The following CENPE variants were observed in gnomAD, a reference collection of about 807,000 sequenced individuals.
CENPE encodes centromere-associated protein E.
CENPE carries 145 observed loss-of-function variants against 336.1 expected under a neutral mutation model. That is an observed-to-expected ratio of 0.43 (90% CI 0.38 to 0.50). The LOEUF (loss-of-function observed/expected upper bound fraction) is 0.50, where lower values mean the gene tolerates loss of function less well. CENPE is among the 20% of genes least tolerant of loss of function. The probability of loss-of-function intolerance (pLI) is 0.00; values close to 1 mark genes in which losing one functional copy is unlikely to be tolerated. For missense variants in CENPE, 2,719 were observed against 3,023.3 expected (o/e 0.90, Z 2.36); for synonymous variants, 1,013 against 984.8 (o/e 1.03, Z -0.54).
At chr4:103,153,663 CTT>C (rs1245236170) in intron 24 of CENPE, among the ~76,000 whole-genome samples, 18 of 152,264 alleles carry the variant, frequency 1.2e-4, no homozygotes, top group East Asian at 5.8e-4. Context: ...GGATATCTGC[CTT>C]TAGTTTGTAC....
chr4:103,163,729 T>C (rs2125982809), intron 16 of CENPE, among the ~76,000 whole-genome samples, 176 bp from the exon 17 acceptor site: 1 of 151,690 alleles, frequency 6.6e-6, no homozygotes, highest in Middle Eastern at 3.4e-3. Context: ...CACCTCATTA[T>C]TTAAAAATAC....
intron 13 of CENPE, among the ~76,000 whole-genome samples, chr4:103,178,025 C>T (rs1199942172): frequency 1.3e-5 from 2 of 151,332 alleles, no homozygotes; most frequent in African/African-American, 2.4e-5. Context: ...TAGCTCTGTT[C>T]CCTTGTTGCA....
intron 44 of CENPE, among the ~76,000 whole-genome samples, chr4:103,117,055 T>C (rs992198156): frequency 6.6e-6 from 1 of 152,130 alleles, no homozygotes; most frequent in Non-Finnish European, 1.5e-5. Flanking sequence ...CAAAAAGATG[T>C]TGGAGCAGTG....
chr4:103,187,559 G>A (rs1274995122), intron 8 of CENPE, among the ~76,000 whole-genome samples: 1 of 152,140 alleles, frequency 6.6e-6, no homozygotes, highest in Non-Finnish European at 1.5e-5. Flanking sequence ...AGCTTCATAA[G>A]TGAAGGAGAA....
intron 33 of CENPE, among the ~76,000 whole-genome samples, chr4:103,144,050 T>C (rs935681809): frequency 3.3e-5 from 5 of 151,918 alleles, no homozygotes; most frequent in Non-Finnish European, 5.9e-5. Flanking sequence ...CATTCTCCTG[T>C]CTCAGCCTCC....
intron 8 of CENPE, among the ~76,000 whole-genome samples, chr4:103,191,728 G>C (rs1019152965): frequency 2.0e-5 from 3 of 151,752 alleles, no homozygotes; most frequent in African/African-American, 7.3e-5. Context: ...ATACCAACAT[G>C]GCACATGTAT....
rs1754201609 is a variant in CENPE, at chr4:103,159,054, C to T, written c.2557G>A (p.Glu853Lys). 1 of 1,548,334 alleles carries T rather than the reference C, an allele frequency of 6.5e-7. No individual in the cohort carries two copies. ...MNQEIVNLSKEAQKFDSSLGA... is the reference protein window; with the variant it reads ...MNQEIVNLSKKAQKFDSSLGA... The stretch of plus-strand genomic sequence containing the variant: ...AAACTCGAATCAAATTTTTGGGCTT[C>T]TTTAGAGAGATTAACTATTTCCTGA... Residue 853 changes from glutamate to lysine, a missense_variant, in exon 22 of 49, where the codon GAA becomes AAA. This residue lies in a region of CENPE where 2,437 missense variants were observed against 2,513.3 expected (regional missense o/e 0.97). Coordinates refer to ENST00000265148, the MANE Select transcript of CENPE (RefSeq NM_001813.3).
At chr4:103,181,858 T>C (rs1486824061) in intron 11 of CENPE, 3 of 156,918 alleles carry the variant, frequency 1.9e-5, no homozygotes, top group African/African-American at 7.2e-5. Context: ...AAGTGTTATG[T>C]GCCTTGTCAC....
At position 103,110,946 on chromosome 4, in the gene CENPE, T is replaced by C. The variant is rs1185574797; in HGVS notation, c.7606A>G (p.Ile2536Val). The change falls in exon 47 of 49, where the codon ATT becomes GTT. Residue 2536 changes from isoleucine to valine, a missense_variant. By Grantham distance (29) the Ile-to-Val change is conservative. Transcript: ENST00000265148. ...KPLTCGGGSG[I>V]VQNTKALILK... Reference sequence around the variant, plus strand: ...ATAAGAGCTTTTGTGTTTTGTACAATGCCGCTGCCACCTCCACAAGTTAAG... The same window carrying C: ...ATAAGAGCTTTTGTGTTTTGTACAACGCCGCTGCCACCTCCACAAGTTAAG... 6 of 1,612,772 alleles carry C rather than the reference T, an allele frequency of 3.7e-6. No individual in the cohort carries two copies. Among genetic ancestry groups the C allele is most frequent in the South Asian group, 1.1e-5 (1 of 90,848 alleles).
At chr4:103,152,303 G>A (rs540471911) in intron 25 of CENPE, among the ~76,000 whole-genome samples, 3 of 152,140 alleles carry the variant, frequency 2.0e-5, no homozygotes, top group Admixed American at 2.0e-4. Flanking sequence ...TTAGGGAAAG[G>A]CAAATTAAAA....
rs1238285188 is a variant in CENPE at position 103,194,371 on chromosome 4, T to A, written c.627+3A>T. 6.2e-7 allele frequency: 1 copy of A among 1,609,422 alleles called. No homozygotes were observed. The highest frequency in any genetic ancestry group is 8.5e-7 in the Non-Finnish European group (1 of 1,176,580). On this transcript the variant is annotated splice_donor_region_variant and intron_variant, in intron 7 of 48. Transcript: ENST00000265148. ...GATCTAACAGATAGATAGAATTACC[T>A]ACCATCCTAAAGATGGTATGAGAAC...
chr4:103,175,875 A>T, intron 15 of CENPE, 85 bp downstream of exon 15: 1 of 804,612 alleles, frequency 1.2e-6, no homozygotes, highest in Non-Finnish European at 1.9e-6. Flanking sequence ...TACTGAAATT[A>T]AATGAGAACA....
chr4:103,183,983 A>C (rs895607287), intron 9 of CENPE, among the ~76,000 whole-genome samples: 1 of 152,188 alleles, frequency 6.6e-6, no homozygotes, highest in African/African-American at 2.4e-5. Flanking sequence ...AAAGTATAAA[A>C]TTCCATTTTA....
intron 43 of CENPE, among the ~76,000 whole-genome samples, chr4:103,121,545 C>CTGTCT (rs1750619610): frequency 6.9e-6 from 1 of 145,782 alleles, no homozygotes; most frequent in African/African-American, 2.5e-5. Context: ...TCTTTTCTTT[C>CTGTCT]TTTCTTTTTT....
At chr4:103,165,326 AC>A (rs941679180) in intron 16 of CENPE, among the ~76,000 whole-genome samples, 2 of 152,196 alleles carry the variant, frequency 1.3e-5, no homozygotes, top group African/African-American at 4.8e-5. Context: ...AAATAGGTAG[AC>A]GGTAAAGATT....
Position 103,105,902 on chromosome 4 carries a change from T to A in CENPE, c.*320A>T, listed in dbSNP as rs568372738. On this transcript the variant is annotated 3_prime_UTR_variant, in exon 49 of 49. Coordinates refer to ENST00000265148, the MANE Select transcript of CENPE (RefSeq NM_001813.3). ...ATGATGTTTTATATTAATGTATGTA[T>A]TATGCTTTGGAATATGCTAAGTCAT... The A allele has an allele frequency of 4.0e-5, 7 of 176,342 alleles. No homozygotes were observed. Among genetic ancestry groups the A allele is most frequent in the African/African-American group, 1.6e-4 (7 of 42,602 alleles). 10.9% of individuals were successfully genotyped at this position (176,342 alleles called of 1,614,324 possible). A position where few individuals can be genotyped will look rare whatever the true frequency, so the allele number is the denominator to read the frequency against.
At chr4:103,177,598 T>C (rs564731244) in intron 13 of CENPE, among the ~76,000 whole-genome samples, 2 of 152,182 alleles carry the variant, frequency 1.3e-5, no homozygotes, top group African/African-American at 4.8e-5. Flanking sequence ...TTTTAACAGA[T>C]GAGTTGGGTG....
At chr4:103,183,037 A>T (rs1482598835) in intron 10 of CENPE, 146 bp from the exon 11 acceptor site, 10 of 951,270 alleles carry the variant, frequency 1.1e-5, no homozygotes, top group Non-Finnish European at 1.5e-5. Context: ...ACTACTAAAA[A>T]ATATTTAAAA....
intron 38 of CENPE, among the ~76,000 whole-genome samples, chr4:103,138,846 T>A (rs1320606514): frequency 2.0e-5 from 3 of 151,938 alleles, no homozygotes; most frequent in Non-Finnish European, 4.4e-5. Flanking sequence ...TCTATAAAAA[T>A]AAATAAATAA....
Sources: gnomAD v4.1 joint callset for allele counts (sites outside exome capture counted in the v4.1 genomes callset) on GRCh38, gnomAD v4.1.1 for gene constraint, gnomAD v4.1.1 regional missense constraint, MANE v1.5 for transcripts, NCBI Gene and HGNC (gene_info 2026-07-23, HGNC 2026-07-21) for gene names.